Variants in NRL observed in about 807,000 individuals in gnomAD.
The protein encoded by NRL is neural retina leucine zipper, also known as neural retina-specific leucine zipper protein.
In NRL, 16 loss-of-function variants were observed where a neutral mutation model predicts 12.5. The observed-to-expected ratio is 1.28, with a 90% confidence interval of 0.87 to 1.95. The LOEUF (loss-of-function observed/expected upper bound fraction) is 1.95, where lower values mean the gene tolerates loss of function less well. NRL is among the 30% of genes most tolerant of loss of function. The pLI is 0.00. For missense variants in NRL, 314 were observed against 325.8 expected, an observed-to-expected ratio of 0.96 and a Z score of 0.28; for synonymous variants, 142 against 150.9, an observed-to-expected ratio of 0.94 and a Z score of 0.43.
chr14:24,103,602 C>G, intron 1 of NRL: 1 of 1,611,914 alleles, frequency 6.2e-7, no homozygotes, highest in East Asian at 2.2e-5. Flanking sequence ...CATGGAAGGG[C>G]GCAAGGGGGC....
chr14:24,114,663 C>T, intron 1 of NRL, 59 bp downstream of exon 1: 1 of 985,306 alleles, frequency 1.0e-6, no homozygotes, highest in Non-Finnish European at 1.2e-6. Flanking sequence ...GAGCTAACAG[C>T]CCTCCTTGGG....
rs1174062214 is a variant in NRL, at chr14:24,085,613, G to A, written c.-27-2738C>T. Among the ~76,000 whole-genome samples, 2 of 152,148 alleles carry A rather than the reference G, an allele frequency of 1.3e-5. No individual in the cohort carries two copies. The highest frequency in any genetic ancestry group is 2.9e-5 in the Non-Finnish European group (2 of 68,040). ...TAAAGGCCACTTCCTACCTTCTGAG[G>A]CCACCCAAATACTCCCATGGGGTTA... On this transcript the variant is annotated intron_variant, in intron 1 of 2. Transcript: ENST00000561028. This position sits in a 1 kb window ranked among gnomAD's most constrained non-coding sequence, Gnocchi z 4.1.
At chr14:24,083,006 C>G in intron 1 of NRL, 131 bp from the exon 2 acceptor site, 1 of 829,586 alleles carries the variant, frequency 1.2e-6, no homozygotes, top group South Asian at 1.8e-5. Flanking sequence ...TGGTGCAGCT[C>G]TGTTCACTGC....
Position 24,098,527 on chromosome 14 carries a change from G to A in NRL, c.-27-15652C>T. The A allele has an allele frequency of 1.9e-6, 3 of 1,614,182 alleles. No homozygotes were observed. In the South Asian group the frequency reaches 3.3e-5, roughly 18 times the overall value. The stretch of plus-strand genomic sequence containing the variant: ...GCATGGGTCCTGTGGGCTCCCCGCT[G>A]TCCCGCATCGGGGTGCAGCTCACTG... On this transcript the variant is annotated intron_variant, in intron 1 of 2. Coordinates refer to ENST00000561028, the MANE Select transcript of NRL (RefSeq NM_001354768.3).
intron 1 of NRL, chr14:24,103,033 G>C: frequency 8.3e-7 from 1 of 1,202,464 alleles, no homozygotes; most frequent in South Asian, 1.3e-5. Flanking sequence ...CTTGGGAGGA[G>C]GCAAAGGGTC....
intron 1 of NRL, among the ~76,000 whole-genome samples, chr14:24,107,404 A>G (rs2037354925): frequency 6.6e-6 from 1 of 152,152 alleles, no homozygotes; most frequent in Non-Finnish European, 1.5e-5. Flanking sequence ...TAAAGTGAAC[A>G]CCTTTGGAAC....
rs780086395 is a variant in NRL, at chr14:24,082,813, A to G, written c.36T>C (p.Tyr12=). The G allele has an allele frequency of 1.7e-5, 27 of 1,614,018 alleles. No individual in the cohort carries two copies. In the East Asian group the frequency reaches 5.8e-4, roughly 35 times the overall value. The change falls in exon 2 of 3, where the codon TAT becomes TAC. Residue 12 remains tyrosine (Y), a synonymous_variant. Coordinates refer to ENST00000561028, the MANE Select transcript of NRL (RefSeq NM_001354768.3). ...ALPPSPLAME[Y]VNDFDLMKFE... ...ACTTCATCAAGTCAAAGTCATTGAC[A>G]TATTCCATGGCCAGGGGGCTGGGGG... is the stretch of plus-strand genomic sequence containing the variant.
intron 1 of NRL, chr14:24,097,121 C>T: frequency 6.2e-7 from 1 of 1,613,938 alleles, no homozygotes; most frequent in Non-Finnish European, 8.5e-7. Flanking sequence ...CCGAAAGCTC[C>T]CCAAGTACAA....
chr14:24,098,499 T>C, intron 1 of NRL: 1 of 1,614,088 alleles, frequency 6.2e-7, no homozygotes, highest in Non-Finnish European at 8.5e-7. Context: ...GTGCTTCCAT[T>C]CAGCATGGGT....
intron 1 of NRL, chr14:24,103,174 T>TC: frequency 6.2e-7 from 1 of 1,613,618 alleles, no homozygotes; most frequent in South Asian, 1.1e-5. Flanking sequence ...ACCCCTGGTA[T>TC]ACGAGGCCTT....
At chr14:24,084,458 G>C (rs1008719230) in intron 1 of NRL, 41 of 709,498 alleles carry the variant, frequency 5.8e-5, no homozygotes, top group Non-Finnish European at 6.8e-5. Context: ...CAGAGAGCAG[G>C]TGTTAAAGAG....
In NRL at chr14:24,094,744, C is replaced by T; in HGVS notation, c.-27-11869G>A. 6.8e-7 allele frequency: 1 copy of T among 1,473,870 alleles called. No individual in the cohort carries two copies. The highest frequency in any genetic ancestry group is 1.2e-5 in the South Asian group (1 of 82,620). 91.3% of individuals were successfully genotyped at this position (1,473,870 alleles called of 1,614,324 possible). On this transcript the variant is annotated intron_variant, in intron 1 of 2. Transcript: ENST00000561028. The surrounding 1 kb of genome is among the most constrained non-coding windows in gnomAD (Gnocchi z 4.1). The stretch of plus-strand genomic sequence containing the variant: ...TCCTCTCTGCTGAGCCAGGTCTCCG[C>T]ATATCCTCCTTTCCTTCCCAGATAC...
chr14:24,103,310 C>T, intron 1 of NRL: 2 of 1,429,578 alleles, frequency 1.4e-6, no homozygotes. Flanking sequence ...CACGTCCTCT[C>T]TCCCTTCCTG....
At chr14:24,095,032 TCTTA>T (rs2036801652) in intron 1 of NRL, 2 of 448,502 alleles carry the variant, frequency 4.5e-6, no homozygotes, top group Non-Finnish European at 8.9e-6. Flanking sequence ...TGCCTTCGTT[TCTTA>T]CATAGCTGGC....
chr14:24,104,652 A>AC (rs937851794), intron 1 of NRL, among the ~76,000 whole-genome samples: 7 of 143,424 alleles, frequency 4.9e-5, no homozygotes, highest in Non-Finnish European at 5.9e-5. Context: ...AAAAAAAAAA[A>AC]CAAAACAAAA....
intron 2 of NRL, chr14:24,082,047 A>G (rs2036327480): frequency 6.7e-6 from 8 of 1,202,696 alleles, no homozygotes; most frequent in South Asian, 3.5e-5. Context: ...ATGAGTCCCA[A>G]TCCTTCCTGA....
chr14:24,092,787 A>G (rs1266807550), intron 1 of NRL, among the ~76,000 whole-genome samples: 3 of 152,212 alleles, frequency 2.0e-5, no homozygotes, highest in Non-Finnish European at 2.9e-5. Flanking sequence ...CAGAACTCCA[A>G]TTAAAATTAG....
At chr14:24,084,653 G>A in intron 1 of NRL, 7 of 985,438 alleles carry the variant, frequency 7.1e-6, no homozygotes, top group Non-Finnish European at 8.4e-6. Flanking sequence ...AGAGCCCAAA[G>A]GGCATTCTTA....
chr14:24,082,460 C>G lies in NRL; in HGVS notation c.381+8G>C. The G allele has an allele frequency of 6.2e-7, 1 of 1,612,190 alleles. No individual in the cohort carries two copies. Among genetic ancestry groups the G allele is most frequent in the South Asian group, 1.1e-5 (1 of 91,036 alleles). On this transcript the variant is annotated splice_region_variant and intron_variant, in intron 2 of 2. Transcript: ENST00000561028. ...GCCTCCCCTCAGGCCAGCTTGCTGA[C>G]CACTCACCTGGACGTGCTGGGCTCC...
Sources: gnomAD v4.1 joint callset for allele counts (sites outside exome capture counted in the v4.1 genomes callset) on GRCh38, gnomAD v4.1.1 for gene constraint, Gnocchi (gnomAD v3.1) non-coding constraint, MANE v1.5 for transcripts, NCBI Gene and HGNC (gene_info 2026-07-23, HGNC 2026-07-21) for gene names.